The following ZEB2 variants were observed in gnomAD, a reference collection of about 807,000 sequenced individuals.
The protein encoded by ZEB2 is zinc finger E-box binding homeobox 2, also known as zinc finger E-box-binding homeobox 2.
In ZEB2, 6 loss-of-function variants were observed where a neutral mutation model predicts 99.9. The observed-to-expected ratio is 0.06, with a 90% confidence interval of 0.03 to 0.12. The LOEUF is 0.12. Among genes scored for constraint, ZEB2 ranks in the 10% least tolerant of loss-of-function variants. ZEB2 has a pLI of 1.00. For synonymous variants in ZEB2, 517 were observed against 542.5 expected (o/e 0.95, Z 0.65); for missense variants, 969 against 1,502.8 (o/e 0.64, Z 5.87).
At chr2:144,402,831 A>C (rs1703331036) in intron 6 of ZEB2, among the ~76,000 whole-genome samples, 1 of 152,234 alleles carries the variant, frequency 6.6e-6, no homozygotes, top group Non-Finnish European at 1.5e-5. Context: ...TGACAAGCCC[A>C]ATCAGATATA....
At chr2:144,419,046 C>T (rs1224086833) in intron 4 of ZEB2, among the ~76,000 whole-genome samples, 1 of 152,066 alleles carries the variant, frequency 6.6e-6, no homozygotes. Context: ...ATCCCTACAG[C>T]GAGGCCTTGT....
chr2:144,516,923 C>T (rs1293756058), intron 2 of ZEB2, among the ~76,000 whole-genome samples: 1 of 151,464 alleles, frequency 6.6e-6, no homozygotes. Flanking sequence ...GCTCCCGAAG[C>T]CCGGCCGGAG....
At chr2:144,396,332 T>A in intron 9 of ZEB2, 80 bp downstream of exon 9, 1 of 1,535,796 alleles carries the variant, frequency 6.5e-7, no homozygotes, top group Non-Finnish European at 9.0e-7. Flanking sequence ...CATCTTATGT[T>A]GCACAAGTGT....
intron 4 of ZEB2, chr2:144,424,280 G>T (rs943976899): frequency 8.6e-6 from 4 of 464,970 alleles, no homozygotes; most frequent in African/African-American, 4.1e-5. Context: ...TATTTAAAAG[G>T]GCTCAAGGAT....
chr2:144,518,336 C>T (rs1416287277), intron 1 of ZEB2: 1 of 152,102 alleles, frequency 6.6e-6, no homozygotes, highest in African/African-American at 2.4e-5. Context: ...TTGAAACTGT[C>T]AAAACTTGGA....
At chr2:144,501,257 C>T (rs1180610448) in intron 2 of ZEB2, among the ~76,000 whole-genome samples, 2 of 152,148 alleles carry the variant, frequency 1.3e-5, no homozygotes, top group Non-Finnish European at 2.9e-5. Flanking sequence ...GCATTGGTAT[C>T]GTAGGGCTTG....
rs1333602337 is a variant in ZEB2, at chr2:144,491,981, C to CTG, written c.73+25296_73+25297insCA. On this transcript the variant is annotated intron_variant, in intron 2 of 9. Transcript: ENST00000627532. Reference sequence around the variant, plus strand: ...ATCAAACAAAGTGTTTTAATCAACTCTATTAACTAACCAATCCACACAGTT... The same window carrying CTG: ...ATCAAACAAAGTGTTTTAATCAACTCTGTATTAACTAACCAATCCACACAGTT... Among the ~76,000 whole-genome samples the CTG allele has an allele frequency of 2.0e-5, 3 of 152,320 alleles. No homozygotes were observed. In the South Asian group the frequency reaches 6.2e-4, roughly 32 times the overall value.
Position 144,485,808 on chromosome 2 carries a change from G to A in ZEB2, c.73+31470C>T, listed in dbSNP as rs188630126. 5.7e-4 allele frequency among the ~76,000 whole-genome samples: 86 copies of A among 152,034 alleles called. 2 individuals are homozygous for A. In the East Asian group the frequency reaches 0.015, roughly 27 times the overall value. ...TAATTTTTGTATTTTTAGTAGATAC[G>A]GGGTTTCACCATGTTGGCCAGACTA... is the stretch of plus-strand genomic sequence containing the variant. On this transcript the variant is annotated intron_variant, in intron 2 of 9. Coordinates refer to ENST00000627532, the MANE Select transcript of ZEB2 (RefSeq NM_014795.4).
intron 2 of ZEB2, among the ~76,000 whole-genome samples, chr2:144,452,677 C>T (rs1198543499): frequency 6.6e-6 from 1 of 152,126 alleles, no homozygotes; most frequent in African/African-American, 2.4e-5. Flanking sequence ...AGTTCCGTCG[C>T]CAACCTGATA....
chr2:144,404,777 TTGTAATTGTA>T, intron 5 of ZEB2, 49 bp downstream of exon 5: 1 of 1,577,652 alleles, frequency 6.3e-7, no homozygotes, highest in Non-Finnish European at 8.7e-7. Flanking sequence ...TGTAGTGCAT[TTGTAATTGTA>T]ACAGCTGCAG....
chr2:144,493,404 T>C (rs576636224), intron 2 of ZEB2, among the ~76,000 whole-genome samples: 30 of 152,332 alleles, frequency 2.0e-4, no homozygotes, highest in African/African-American at 6.7e-4. Flanking sequence ...TTTTTAAGCA[T>C]TAAGAACCGA....
chr2:144,453,697 C>T (rs1204260236), intron 2 of ZEB2, among the ~76,000 whole-genome samples: 3 of 152,122 alleles, frequency 2.0e-5, no homozygotes, highest in African/African-American at 4.8e-5. Context: ...AACTCCGGCA[C>T]CCCCTCACCC....
chr2:144,399,875 G>A lies in ZEB2; in HGVS notation c.1312C>T (p.His438Tyr). Residue 438 changes from histidine (H) to tyrosine (Y), a missense_variant, in exon 8 of 10, where the codon CAC becomes TAC. Physicochemically the swap from His to Tyr is moderately conservative, Grantham distance 83 (BLOSUM62 2). Around this residue, in one of 8 missense-constraint regions of ZEB2, gnomAD observed 227 missense variants for 278.2 expected, o/e 0.82. Transcript: ENST00000627532. This position sits in a 1 kb window ranked among gnomAD's most constrained non-coding sequence, Gnocchi z 5.6. ...VHPSAQSPMQ[H>Y]LGVGMEAPLL... ...GGGGCTTCCATCCCTACACCTAAGTGCTGCATTGGACTCTGAGCAGATGGA... is the reference window on the plus strand; with the variant it reads ...GGGGCTTCCATCCCTACACCTAAGTACTGCATTGGACTCTGAGCAGATGGA... 1 of 1,614,174 alleles carries A rather than the reference G, an allele frequency of 6.2e-7. No homozygotes were observed. The highest frequency in any genetic ancestry group is 8.5e-7 in the Non-Finnish European group (1 of 1,180,024).
rs140593583 is a variant in ZEB2 at position 144,399,452 on chromosome 2, T to C, written c.1735A>G (p.Thr579Ala). The C allele has an allele frequency of 5.9e-5, 95 of 1,613,566 alleles. 1 individual carries two copies. In the African/African-American group the frequency reaches 1.0e-3, roughly 18 times the overall value. The change falls in exon 8 of 10, where the codon ACT becomes GCT. Residue 579 changes from threonine (T) to alanine (A), a missense_variant. Coordinates refer to ENST00000627532, the MANE Select transcript of ZEB2 (RefSeq NM_014795.4). The surrounding 1 kb of genome is among the most constrained non-coding windows in gnomAD (Gnocchi z 5.6). The part of the protein sequence containing the change: ...DKMIENHNIS[T>A]PFSCQFCKES... ...TTACAGAACTGGCATGAAAATGGAG[T>C]GGATATGTTGTGGTTCTCAATCATT... is the stretch of plus-strand genomic sequence containing the variant.
At chr2:144,495,026 G>A (rs1233258421) in intron 2 of ZEB2, 1 of 152,188 alleles carries the variant, frequency 6.6e-6, no homozygotes, top group Non-Finnish European at 1.5e-5. Flanking sequence ...TTGTCTACAT[G>A]TGTATTTATG....
intron 6 of ZEB2, 33 bp downstream of exon 6, chr2:144,403,883 A>G: frequency 4.3e-6 from 7 of 1,612,746 alleles, no homozygotes; most frequent in Non-Finnish European, 5.9e-6. Flanking sequence ...AGGGGTTATT[A>G]TAGAAAGAAA....
At position 144,424,854 on chromosome 2, in the gene ZEB2, T is replaced by C. The variant is rs764762586; in HGVS notation, c.345A>G (p.Glu115=). Residue 115 remains glutamate (E), a synonymous_variant, in exon 4 of 10, where the codon GAA becomes GAG. Transcript: ENST00000627532. ...ASVDGPEEMK[E]DYDTMGPEAT... is the part of the protein sequence containing the mutation. ...CTTCTGGCCCCATAGTGTCATAGTC[T>C]TCCTTCATTTCTTCTGTGGGGGAAA... is the stretch of plus-strand genomic sequence containing the variant. 1 of 1,614,004 alleles carries C rather than the reference T, an allele frequency of 6.2e-7. No homozygotes were observed. The highest frequency in any genetic ancestry group is 1.1e-5 in the South Asian group (1 of 91,088).
rs1573707260 is a variant in ZEB2, at chr2:144,389,283, G to A, written c.*168C>T. On this transcript the variant is annotated 3_prime_UTR_variant, in exon 10 of 10. Transcript: ENST00000627532. The surrounding 1 kb of genome is among the most constrained non-coding windows in gnomAD (Gnocchi z 6.8). ...ATAATGCAGTTTTTAACAATACCCA[G>A]CTCCAACTCCGTCTACATCTGTCTT... 1.3e-5 allele frequency: 10 copies of A among 787,234 alleles called. No homozygotes were observed. Among genetic ancestry groups the A allele is most frequent in the Middle Eastern group, 2.6e-4 (1 of 3,838 alleles). The allele number at this position is 787,234 out of a possible 1,614,324, so 48.8% of individuals were successfully genotyped here.
At chr2:144,472,662 G>C (rs142990344) in intron 2 of ZEB2, among the ~76,000 whole-genome samples, 1 of 152,108 alleles carries the variant, frequency 6.6e-6, no homozygotes, top group African/African-American at 2.4e-5. Context: ...GAACCTGGGC[G>C]TGCTCACAAA....
Sources: allele counts gnomAD v4.1 joint callset (sites outside exome capture counted in the v4.1 genomes callset), GRCh38; gene constraint gnomAD v4.1.1; regional missense constraint gnomAD v4.1.1; non-coding constraint Gnocchi (gnomAD v3.1); transcripts MANE v1.5; gene names NCBI Gene and HGNC (gene_info 2026-07-23, HGNC 2026-07-21).